Variants in TMEM132D observed in about 807,000 individuals in gnomAD.
TMEM132D encodes transmembrane protein 132D, also known as mature OL transmembrane protein.
Under a neutral mutation model 62.3 loss-of-function variants are expected in TMEM132D, and 21 were observed. That is an observed-to-expected ratio of 0.34 (90% confidence interval 0.24 to 0.49). The LOEUF (loss-of-function observed/expected upper bound fraction) is 0.49, where lower values mean the gene tolerates loss of function less well. TMEM132D is among the 20% of genes least tolerant of loss of function. The pLI is 0.99. For missense variants in TMEM132D, 1,346 were observed against 1,402.8 expected, an observed-to-expected ratio of 0.96 and a Z score of 0.65; for synonymous variants, 621 against 575.6, an observed-to-expected ratio of 1.08 and a Z score of -1.13.
intron 2 of TMEM132D, among the ~76,000 whole-genome samples, chr12:129,654,767 G>A (rs1032853872): frequency 2.6e-5 from 4 of 152,060 alleles, no homozygotes; most frequent in Admixed American, 2.0e-4. Flanking sequence ...TTACTCTCAA[G>A]AGCTAGTCAA....
At chr12:129,251,357 CAAAAAAAA>C (rs59666716) in intron 4 of TMEM132D, among the ~76,000 whole-genome samples, 10 of 79,782 alleles carry the variant, frequency 1.3e-4, no homozygotes, top group African/African-American at 4.5e-4. Flanking sequence ...GACACTGTCT[CAAAAAAAA>C]AAAAAAAAAA....
chr12:129,662,250 C>A (rs1880256136), intron 2 of TMEM132D, among the ~76,000 whole-genome samples: 1 of 152,188 alleles, frequency 6.6e-6, no homozygotes, highest in Non-Finnish European at 1.5e-5. Context: ...ATAGAACAAA[C>A]TCACATTCAA....
At chr12:129,537,656 T>A (rs1876435947) in intron 2 of TMEM132D, among the ~76,000 whole-genome samples, 4 of 152,212 alleles carry the variant, frequency 2.6e-5, no homozygotes, top group Admixed American at 1.3e-4. Flanking sequence ...TCTTGCTAAC[T>A]GTGAGGCATT....
At chr12:129,129,390 T>C (rs1420354011) in intron 5 of TMEM132D, among the ~76,000 whole-genome samples, 2 of 152,192 alleles carry the variant, frequency 1.3e-5, no homozygotes, top group East Asian at 1.9e-4. Context: ...TCCAATCCAC[T>C]GTTGATGGGC....
chr12:129,156,872 C>T (rs1451890847), intron 5 of TMEM132D, among the ~76,000 whole-genome samples: 1 of 152,120 alleles, frequency 6.6e-6, no homozygotes, highest in African/African-American at 2.4e-5. Context: ...GAGATATTAA[C>T]TTACTCCTGA....
chr12:129,117,308 G>A (rs1398538515), intron 5 of TMEM132D, among the ~76,000 whole-genome samples: 1 of 151,896 alleles, frequency 6.6e-6, no homozygotes, highest in Non-Finnish European at 1.5e-5. Context: ...GAGAAGAGGG[G>A]ATTTCTAGGG....
At chr12:129,432,085 T>A (rs182790113) in intron 3 of TMEM132D, among the ~76,000 whole-genome samples, 46 of 152,306 alleles carry the variant, frequency 3.0e-4, no homozygotes, top group Admixed American at 2.6e-3. Flanking sequence ...CTTATCACTA[T>A]AATTATGTTG....
At chr12:129,169,726 A>C (rs7303167) in intron 5 of TMEM132D, among the ~76,000 whole-genome samples, 46,939 of 152,042 alleles carry the variant, frequency 0.31, 7,732 homozygotes, top group African/African-American at 0.43. Context: ...AGAAGCACTT[A>C]AATGAATGAA....
chr12:129,390,561 T>A (rs1367271551), intron 3 of TMEM132D, among the ~76,000 whole-genome samples: 1 of 152,128 alleles, frequency 6.6e-6, no homozygotes, highest in Non-Finnish European at 1.5e-5. Flanking sequence ...AAGAACTGAG[T>A]GCTTTGTGTT....
At chr12:129,652,575 C>T (rs1195846439) in intron 2 of TMEM132D, among the ~76,000 whole-genome samples, 1 of 152,058 alleles carries the variant, frequency 6.6e-6, no homozygotes, top group African/African-American at 2.4e-5. Flanking sequence ...AAGATGCCAC[C>T]CTGCTGGGTT....
chr12:129,454,142 G>A (rs184388142), intron 3 of TMEM132D, among the ~76,000 whole-genome samples: 1 of 152,296 alleles, frequency 6.6e-6, no homozygotes, highest in East Asian at 1.9e-4. Flanking sequence ...GTGTCCCATT[G>A]AACTTTGTTT....
At chr12:129,282,498 G>C (rs776263868) in intron 4 of TMEM132D, among the ~76,000 whole-genome samples, 3 of 152,148 alleles carry the variant, frequency 2.0e-5, no homozygotes, top group Non-Finnish European at 4.4e-5. Flanking sequence ...CACCAGCTAC[G>C]ATCCGGGCTG....
intron 3 of TMEM132D, among the ~76,000 whole-genome samples, chr12:129,431,517 T>C (rs1872653680): frequency 6.6e-6 from 1 of 152,166 alleles, no homozygotes; most frequent in African/African-American, 2.4e-5. Context: ...TGGGCTCTAC[T>C]TCACAAAAGT....
chr12:129,872,213 A>G (rs776495645), intron 1 of TMEM132D, among the ~76,000 whole-genome samples: 13 of 152,220 alleles, frequency 8.5e-5, no homozygotes, highest in Non-Finnish European at 1.6e-4. Context: ...AAAGAGACAG[A>G]CAACAAAGCC....
At chr12:129,735,220 GCTTA>G (rs1869387663) in intron 1 of TMEM132D, among the ~76,000 whole-genome samples, 1 of 152,132 alleles carries the variant, frequency 6.6e-6, no homozygotes, top group South Asian at 2.1e-4. Context: ...TTGCATGATT[GCTTA>G]CTTAATGATC....
At chr12:129,334,178 C>T (rs933762800) in intron 4 of TMEM132D, among the ~76,000 whole-genome samples, 2 of 152,050 alleles carry the variant, frequency 1.3e-5, no homozygotes, top group South Asian at 4.2e-4. Context: ...CCTTAACTGC[C>T]TTTTAAATAA....
chr12:129,494,412 G>A (rs889247996), intron 3 of TMEM132D, among the ~76,000 whole-genome samples: 2 of 152,150 alleles, frequency 1.3e-5, no homozygotes, highest in Non-Finnish European at 2.9e-5. Flanking sequence ...TATGCTGGGT[G>A]GAAAATCAAG....
At chr12:129,747,610 GAC>G (rs920504405) in intron 1 of TMEM132D, among the ~76,000 whole-genome samples, 6 of 143,546 alleles carry the variant, frequency 4.2e-5, no homozygotes, top group African/African-American at 1.6e-4. Context: ...TTGACATACA[GAC>G]ACACACAACA....
At chr12:129,431,209 C>A (rs186990543) in intron 3 of TMEM132D, among the ~76,000 whole-genome samples, 1 of 152,182 alleles carries the variant, frequency 6.6e-6, no homozygotes, top group African/African-American at 2.4e-5. Context: ...CCCTGTTTAC[C>A]GATAAGGACG....
Sources: gnomAD v4.1 joint callset for allele counts (sites outside exome capture counted in the v4.1 genomes callset) on GRCh38, gnomAD v4.1.1 for gene constraint, MANE v1.5 for transcripts, NCBI Gene and HGNC (gene_info 2026-07-23, HGNC 2026-07-21) for gene names.